The following CAPN8 variants were observed in gnomAD, a reference collection of about 807,000 sequenced individuals.
CAPN8 encodes the protein calpain 8.
In CAPN8, 87 loss-of-function variants were observed where a neutral mutation model predicts 80.9. That is an observed-to-expected ratio of 1.07 (90% CI 0.90 to 1.28). CAPN8 has a LOEUF of 1.28. CAPN8 is among the 50% of genes most tolerant of loss of function. The pLI is 0.00. For synonymous variants in CAPN8, 299 were observed against 273.8 expected (o/e 1.09, Z -0.91); for missense variants, 757 against 702.0 (o/e 1.08, Z -0.89).
intron 2 of CAPN8, among the ~76,000 whole-genome samples, chr1:223,642,149 G>T (rs747153561): frequency 2.6e-5 from 4 of 152,178 alleles, no homozygotes; most frequent in Non-Finnish European, 5.9e-5. Context: ...AACTCAAAAG[G>T]CCCCAGGTAC....
At position 223,541,715 on chromosome 1, in the gene CAPN8, A is replaced by G; in HGVS notation, c.*121T>C. 6.7e-7 allele frequency: 1 copy of G among 1,488,174 alleles called. No homozygotes were observed. The highest frequency in any genetic ancestry group is 9.2e-7 in the Non-Finnish European group (1 of 1,090,742). The allele number at this position is 1,488,174 out of a possible 1,614,324, so 92.2% of individuals were successfully genotyped here. ...AGTGCTGCTGAAATAGACCCAGGGC[A>G]AGAAAGGTATGAACAACCAGTGAAT... On this transcript the variant is annotated 3_prime_UTR_variant, in exon 21 of 21. Transcript: ENST00000366872.
In CAPN8 at chr1:223,627,044, T is replaced by C. The variant is rs1410750871; in HGVS notation, c.674A>G (p.Tyr225Cys). The change falls in exon 5 of 21, where the codon TAT becomes TGT. Residue 225 changes from tyrosine to cysteine, a missense_variant. Physicochemically the swap from Tyr to Cys is radical, Grantham distance 194 (BLOSUM62 -2). Coordinates refer to ENST00000366872, the MANE Select transcript of CAPN8 (RefSeq NM_001143962.2). ...ACAGAGGGCCTTCCGGATGATCTGA[T>C]ATAGATTGGCTGGTGGTTTCTTCAG... ...YDLKKPPANL[Y>C]QIIRKALCAG... The C allele has an allele frequency of 1.5e-5, 23 of 1,551,910 alleles. No homozygotes were observed. Among genetic ancestry groups the C allele is most frequent in the Non-Finnish European group, 1.8e-5 (21 of 1,147,074 alleles).
intron 9 of CAPN8, 75 bp downstream of exon 9, chr1:223,619,218 A>G: frequency 6.6e-7 from 1 of 1,516,108 alleles, no homozygotes; most frequent in Non-Finnish European, 8.9e-7. Context: ...AATAGCACCA[A>G]AAAATTACAT....
At chr1:223,618,832 A>G (rs1657285418) in intron 9 of CAPN8, among the ~76,000 whole-genome samples, 1 of 152,198 alleles carries the variant, frequency 6.6e-6, no homozygotes, top group Non-Finnish European at 1.5e-5. Flanking sequence ...AGCCCTAGGG[A>G]GAAGCAGGGC....
At chr1:223,614,317 T>C (rs932292701) in intron 10 of CAPN8, among the ~76,000 whole-genome samples, 1 of 152,012 alleles carries the variant, frequency 6.6e-6, no homozygotes, top group African/African-American at 2.4e-5. Flanking sequence ...GGAGAATTGC[T>C]TGAACCTGGG....
intron 12 of CAPN8, 143 bp downstream of exon 12, chr1:223,609,010 G>T (rs1479452411): frequency 2.6e-6 from 1 of 382,924 alleles, no homozygotes; most frequent in Non-Finnish European, 4.5e-6. Context: ...CCCAGTGAAG[G>T]GTCCTTTGGC....
intron 2 of CAPN8, among the ~76,000 whole-genome samples, chr1:223,633,049 C>G (rs1028999405): frequency 1.3e-5 from 2 of 152,196 alleles, no homozygotes; most frequent in Admixed American, 6.5e-5. Context: ...GAGCAGAGCA[C>G]AGTGTGAGTC....
At position 223,617,397 on chromosome 1, in the gene CAPN8, T is replaced by C. The variant is rs79077108; in HGVS notation, c.1136-1252A>G. 3 of 151,854 alleles carry C rather than the reference T, an allele frequency of 2.0e-5. No individual in the cohort carries two copies. The East Asian group carries it at 5.8e-4, about 30-fold the overall frequency. The allele number at this position is 151,854 out of a possible 1,614,324, so 9.4% of individuals were successfully genotyped here. On this transcript the variant is annotated intron_variant, in intron 9 of 20. Transcript: ENST00000366872. ...TAAAGCCGGATATCTGTGGATCCCA[T>C]AGGAGATGGAAAAAAAAATCTGTAA...
chr1:223,558,213 G>C, intron 12 of CAPN8, 46 bp from the exon 13 acceptor site: 1 of 398,560 alleles, frequency 2.5e-6, no homozygotes. Flanking sequence ...TAAGTAAAAA[G>C]TACAGCTAAT....
At position 223,545,868 on chromosome 1, in the gene CAPN8, G is replaced by A. The variant is rs909742414; in HGVS notation, c.1765-569C>T. Among the ~76,000 whole-genome samples the A allele has an allele frequency of 4.5e-5, 6 of 134,256 alleles. No individual in the cohort carries two copies. In the Admixed American group the frequency reaches 5.0e-4, roughly 11 times the overall value. The allele number at this position is 134,256 out of a possible 152,430, so 88.1% of individuals were successfully genotyped here. A position where few individuals can be genotyped will look rare whatever the true frequency, so the allele number is the denominator to read the frequency against. On this transcript the variant is annotated intron_variant, in intron 16 of 20. Coordinates refer to ENST00000366872, the MANE Select transcript of CAPN8 (RefSeq NM_001143962.2). ...TGAGACGGAGTCTCTCTGTCGCCCA[G>A]GCTGGAGTACAGTGGTGTGATCTCA...
At chr1:223,637,710 G>T (rs1415454379) in intron 2 of CAPN8, among the ~76,000 whole-genome samples, 1 of 152,066 alleles carries the variant, frequency 6.6e-6, no homozygotes, top group African/African-American at 2.4e-5. Context: ...CCATGTGCGG[G>T]GCCATCTGCA....
Position 223,615,967 on chromosome 1 carries a change from T to C in CAPN8, c.1311+3A>G. 2.6e-6 allele frequency: 4 copies of C among 1,552,214 alleles called. No individual in the cohort carries two copies. The highest frequency in any genetic ancestry group is 2.0e-5 in the Admixed American group (1 of 51,016). ...ATGAAGGACAAACCCAGCACAGCAGTACCTGGTAGACGGCATAGCCGATGC... is the reference window on the plus strand; with the variant it reads ...ATGAAGGACAAACCCAGCACAGCAGCACCTGGTAGACGGCATAGCCGATGC... On this transcript the variant is annotated splice_donor_region_variant and intron_variant, in intron 10 of 20. Coordinates refer to ENST00000366872, the MANE Select transcript of CAPN8 (RefSeq NM_001143962.2).
chr1:223,629,197 A>AGAGTGT lies in CAPN8; in HGVS notation c.308-418_308-417insACACTC, dbSNP rs373877760. On this transcript the variant is annotated intron_variant, in intron 2 of 20. Transcript: ENST00000366872. ...CCAATCTATGATGTGTACGTGTAAG[A>AGAGTGT]GTGTGTGTGTGTGTGTGTGTGTGTG... Among the ~76,000 whole-genome samples the AGAGTGT allele has an allele frequency of 1.2e-4, 11 of 95,312 alleles. No individual in the cohort carries two copies. In the East Asian group the frequency reaches 3.0e-3, roughly 26 times the overall value. 62.5% of individuals were successfully genotyped at this position (95,312 alleles called of 152,430 possible). A position where few individuals can be genotyped will look rare whatever the true frequency, so the allele number is the denominator to read the frequency against.
intron 13 of CAPN8, among the ~76,000 whole-genome samples, chr1:223,554,562 T>C (rs1448744556): frequency 6.6e-6 from 1 of 151,916 alleles, no homozygotes; most frequent in Admixed American, 6.6e-5. Context: ...TATTCCAGCC[T>C]GGGTGATAAA....
intron 10 of CAPN8, among the ~76,000 whole-genome samples, chr1:223,615,366 G>A (rs1180593433): frequency 6.6e-6 from 1 of 152,212 alleles, no homozygotes; most frequent in African/African-American, 2.4e-5. Flanking sequence ...TAACATATCT[G>A]TGAGGCTGTT....
intron 15 of CAPN8, among the ~76,000 whole-genome samples, chr1:223,549,846 T>C (rs887442647): frequency 5.3e-5 from 8 of 152,218 alleles, no homozygotes; most frequent in African/African-American, 1.7e-4. Context: ...TTATAAGCAC[T>C]GCACATCTAC....
chr1:223,632,743 C>A (rs1198562811), intron 2 of CAPN8, among the ~76,000 whole-genome samples: 2 of 152,294 alleles, frequency 1.3e-5, no homozygotes, highest in Middle Eastern at 3.4e-3. Flanking sequence ...ATAAGGCAGA[C>A]AAAAACACTG....
chr1:223,656,861 T>C (rs1215964127), intron 1 of CAPN8, among the ~76,000 whole-genome samples: 2 of 151,790 alleles, frequency 1.3e-5, no homozygotes, highest in Non-Finnish European at 2.9e-5. Flanking sequence ...TTTTTTGTAT[T>C]TTTTAGTAGA....
At chr1:223,544,325 A>G (rs1032627152) in intron 18 of CAPN8, 142 bp from the exon 19 acceptor site, 59 of 613,792 alleles carry the variant, frequency 9.6e-5, no homozygotes, top group Non-Finnish European at 1.6e-4. Context: ...TGCCTTCTCC[A>G]GGGGATCCCA....
Sources: gnomAD v4.1 joint callset for allele counts (sites outside exome capture counted in the v4.1 genomes callset) on GRCh38, gnomAD v4.1.1 for gene constraint, MANE v1.5 for transcripts, NCBI Gene and HGNC (gene_info 2026-07-23, HGNC 2026-07-21) for gene names.